MGST3: variants seen among roughly 807,000 people sequenced by gnomAD.
MGST3 encodes the protein glutathione S-transferase 3, mitochondrial.
MGST3 carries 13 observed loss-of-function variants against 15.8 expected under a neutral mutation model. That is an observed-to-expected ratio of 0.82 (90% CI 0.54 to 1.31). The LOEUF is 1.31. Among genes scored for constraint, MGST3 ranks in the 50% most tolerant of loss-of-function variants. MGST3 has a pLI of 0.00. For synonymous variants in MGST3, 49 were observed against 68.1 expected, an observed-to-expected ratio of 0.72 and a Z score of 1.38; for missense variants, 155 against 192.4, an observed-to-expected ratio of 0.81 and a Z score of 1.15.
intron 1 of MGST3, among the ~76,000 whole-genome samples, chr1:165,634,132 C>T (rs1024891244): frequency 2.0e-5 from 3 of 149,760 alleles, no homozygotes; most frequent in East Asian, 2.0e-4. Flanking sequence ...GTATTTTGTA[C>T]TCAGGAGAGG....
At position 165,651,079 on chromosome 1, in the gene MGST3, C is replaced by A; in HGVS notation, c.183C>A (p.His61Gln). ...GHIFNCIQRA[H>Q]QNTLEVYPPF... ...TCTTCAACTGCATTCAGCGAGCCCA[C>A]CAGAACACGTGAGTGTCGGCCCTGC... The change falls in exon 3 of 6, where the codon CAC becomes CAA. Residue 61 changes from histidine (H) to glutamine (Q), a missense_variant. Physicochemically the swap from His to Gln is conservative, Grantham distance 24 (BLOSUM62 0). Coordinates refer to ENST00000367889, the MANE Select transcript of MGST3 (RefSeq NM_004528.4). The A allele has an allele frequency of 2.5e-6, 4 of 1,614,168 alleles. No individual in the cohort carries two copies. Among genetic ancestry groups the A allele is most frequent in the Non-Finnish European group, 3.4e-6 (4 of 1,179,996 alleles).
intron 1 of MGST3, among the ~76,000 whole-genome samples, chr1:165,643,716 AAATT>A (rs1460958322): frequency 6.6e-6 from 1 of 152,002 alleles, no homozygotes; most frequent in Non-Finnish European, 1.5e-5. Flanking sequence ...AAAAATAAAA[AAATT>A]AGCCGGGTGT....
At chr1:165,639,000 G>GA (rs200903535) in intron 1 of MGST3, among the ~76,000 whole-genome samples, 203 of 144,292 alleles carry the variant, frequency 1.4e-3, no homozygotes, top group Admixed American at 1.6e-3. Flanking sequence ...AATCAGTCAA[G>GA]AAAAAAAAAT....
At chr1:165,632,803 C>T (rs1362292598) in intron 1 of MGST3, among the ~76,000 whole-genome samples, 1 of 151,976 alleles carries the variant, frequency 6.6e-6, no homozygotes, top group Non-Finnish European at 1.5e-5. Flanking sequence ...GGAAGAGATC[C>T]TCCTCGCCTG....
intron 1 of MGST3, among the ~76,000 whole-genome samples, chr1:165,633,295 A>G (rs1648007265): frequency 1.3e-5 from 2 of 152,210 alleles, no homozygotes; most frequent in South Asian, 2.1e-4. Flanking sequence ...AAATTGTACT[A>G]TCTTTCAAAT....
chr1:165,652,165 A>G lies in MGST3; in HGVS notation c.249+130A>G, dbSNP rs886154369. On this transcript the variant is annotated intron_variant, in intron 4 of 5. Coordinates refer to ENST00000367889, the MANE Select transcript of MGST3 (RefSeq NM_004528.4). ...GGCACTGCATATTTAAAAGGATTTT[A>G]TTCAATTATTTCTTACAGAGTTCTT... 3 of 753,764 alleles carry G rather than the reference A, an allele frequency of 4.0e-6. No homozygotes were observed. The African/African-American group carries it at 5.2e-5, about 13-fold the overall frequency. 46.7% of individuals were successfully genotyped at this position (753,764 alleles called of 1,614,324 possible).
intron 2 of MGST3, 37 bp from the exon 3 acceptor site, chr1:165,650,977 C>G (rs1264772691): frequency 1.3e-6 from 2 of 1,591,204 alleles, no homozygotes; most frequent in East Asian, 4.5e-5. Flanking sequence ...GAATGCTCCT[C>G]TTGACCATCT....
At chr1:165,633,270 A>G (rs766733373) in intron 1 of MGST3, among the ~76,000 whole-genome samples, 55 of 152,186 alleles carry the variant, frequency 3.6e-4, no homozygotes, top group Non-Finnish European at 6.6e-4. Context: ...GAAACGCTGT[A>G]ATTAGGCAAC....
At chr1:165,635,039 A>T (rs766003387) in intron 1 of MGST3, among the ~76,000 whole-genome samples, 14 of 151,430 alleles carry the variant, frequency 9.2e-5, no homozygotes, top group Non-Finnish European at 2.1e-4. Context: ...GCATTATGAG[A>T]TGTTGTCTTT....
At chr1:165,641,903 A>G (rs548209282) in intron 1 of MGST3, among the ~76,000 whole-genome samples, 170 of 152,362 alleles carry the variant, frequency 1.1e-3, no homozygotes, top group African/African-American at 3.8e-3. Context: ...AAAAAAATAG[A>G]TAATTCAAAT....
At chr1:165,651,146 A>G (rs1648544076) in intron 3 of MGST3, 59 bp downstream of exon 3, 1 of 1,430,110 alleles carries the variant, frequency 7.0e-7, no homozygotes, top group Non-Finnish European at 9.9e-7. Context: ...TTTCTGTCTA[A>G]CACCTCAGCC....
At chr1:165,651,150 C>G in intron 3 of MGST3, 63 bp downstream of exon 3, 2 of 1,399,560 alleles carry the variant, frequency 1.4e-6, no homozygotes, top group South Asian at 2.3e-5. Context: ...TGTCTAACAC[C>G]TCAGCCCTTA....
At chr1:165,634,784 C>CCT (rs1648062304) in intron 1 of MGST3, among the ~76,000 whole-genome samples, 1 of 108,480 alleles carries the variant, frequency 9.2e-6, no homozygotes, top group African/African-American at 4.0e-5. Context: ...CCTCCCTCTC[C>CCT]CTCCCTCCCT....
At chr1:165,649,761 A>G (rs1009255397) in intron 1 of MGST3, 80 bp from the exon 2 acceptor site, 2 of 1,576,944 alleles carry the variant, frequency 1.3e-6, no homozygotes, top group Non-Finnish European at 1.7e-6. Flanking sequence ...CCAGTAATAA[A>G]GCATCTTGCT....
In MGST3 at chr1:165,656,081, G is replaced by A. The variant is rs935956576; in HGVS notation, c.*577G>A. On this transcript the variant is annotated 3_prime_UTR_variant, in exon 6 of 6. Coordinates refer to ENST00000367889, the MANE Select transcript of MGST3 (RefSeq NM_004528.4). Reference sequence around the variant, plus strand: ...TATGATCACACTGCTGCACTCCAGCGTGGGTGACAGAGCAAGACCCTGTCT... The same window carrying A: ...TATGATCACACTGCTGCACTCCAGCATGGGTGACAGAGCAAGACCCTGTCT... 7.7e-5 allele frequency: 12 copies of A among 156,410 alleles called. No individual in the cohort carries two copies. The East Asian group carries it at 1.5e-3, about 20-fold the overall frequency. 9.7% of individuals were successfully genotyped at this position (156,410 alleles called of 1,614,324 possible). A position where few individuals can be genotyped will look rare whatever the true frequency, so the allele number is the denominator to read the frequency against.
At chr1:165,652,669 C>G (rs573984626) in intron 4 of MGST3, among the ~76,000 whole-genome samples, 1 of 152,148 alleles carries the variant, frequency 6.6e-6, no homozygotes, top group Non-Finnish European at 1.5e-5. Context: ...CACGAGTTTC[C>G]CCAACCTCCA....
At chr1:165,655,247 C>A in intron 5 of MGST3, 121 bp from the exon 6 acceptor site, 2 of 1,281,344 alleles carry the variant, frequency 1.6e-6, no homozygotes, top group Non-Finnish European at 2.2e-6. Context: ...GTTAGTTAAC[C>A]TCCTAAGGCC....
At chr1:165,637,237 G>A (rs1648137052) in intron 1 of MGST3, 1 of 152,210 alleles carries the variant, frequency 6.6e-6, no homozygotes, top group South Asian at 2.1e-4. Context: ...AGTACAATTT[G>A]AGGAGAGCAA....
Position 165,655,551 on chromosome 1 carries a change from C to T in MGST3, c.*47C>T, listed in dbSNP as rs755972776. Reference sequence around the variant, plus strand: ...CTCTCATTCATTTTAAATGACTTACCTTTATTTCCAGTTACATTTTTTTTC... The same window carrying T: ...CTCTCATTCATTTTAAATGACTTACTTTTATTTCCAGTTACATTTTTTTTC... On this transcript the variant is annotated 3_prime_UTR_variant, in exon 6 of 6. Transcript: ENST00000367889. 1 of 1,609,254 alleles carries T rather than the reference C, an allele frequency of 6.2e-7. No homozygotes were observed. Among genetic ancestry groups the T allele is most frequent in the Non-Finnish European group, 8.5e-7 (1 of 1,176,840 alleles).
Sources: allele counts gnomAD v4.1 joint callset (sites outside exome capture counted in the v4.1 genomes callset), GRCh38; gene constraint gnomAD v4.1.1; transcripts MANE v1.5; gene names NCBI Gene and HGNC (gene_info 2026-07-23, HGNC 2026-07-21).